Variants in PRKAG1 observed in about 807,000 individuals in gnomAD.
The protein encoded by PRKAG1 is protein kinase AMP-activated non-catalytic subunit gamma 1, also known as 5'-AMP-activated protein kinase subunit gamma-1.
In PRKAG1, 27 loss-of-function variants were observed where a neutral mutation model predicts 48.2. The ratio of observed to expected loss-of-function variants is 0.56; its 90% CI spans 0.41 to 0.77. PRKAG1 has a LOEUF of 0.77. PRKAG1 is among the 30% of genes least tolerant of loss of function. The probability of loss-of-function intolerance (pLI) is 0.00; values close to 1 mark genes in which losing one functional copy is unlikely to be tolerated. For synonymous variants in PRKAG1, 130 were observed against 147.7 expected (o/e 0.88, Z 0.87); for missense variants, 287 against 398.3 (o/e 0.72, Z 2.38).
chr12:49,003,481 C>A, intron 10 of PRKAG1, 77 bp downstream of exon 10: 1 of 1,565,868 alleles, frequency 6.4e-7, no homozygotes, highest in Middle Eastern at 1.7e-4. Context: ...AGAAGAGACT[C>A]CCTTCTCCCT....
intron 11 of PRKAG1, 68 bp downstream of exon 11, chr12:49,003,076 C>A (rs1592268922): frequency 7.4e-6 from 12 of 1,613,010 alleles, no homozygotes; most frequent in Non-Finnish European, 1.0e-5. Flanking sequence ...TCTGCCCCTA[C>A]TCTCCTTGCC....
chr12:49,018,539 A>C, intron 1 of PRKAG1, 193 bp downstream of exon 1: 1 of 1,440,706 alleles, frequency 6.9e-7, no homozygotes, highest in Non-Finnish European at 9.1e-7. Flanking sequence ...GGCGGCGGGG[A>C]CGCGGCCCAG....
In PRKAG1 at chr12:49,004,995, TA is replaced by T. The variant is rs1292420304; in HGVS notation, c.378del (p.Phe126LeufsTer20). ...TWREVYLQDS[F>X]KPLVCISPNA... Reference sequence around the variant, plus strand: ...TTAGGAGAAATGCAGACAAGCGGTTTAAAGGAGTCCTGGAGATACACCTCTG... The same window carrying T: ...TTAGGAGAAATGCAGACAAGCGGTTTAAGGAGTCCTGGAGATACACCTCTG... On this transcript the variant is annotated frameshift_variant, in exon 7 of 12. Coordinates refer to ENST00000548065, the MANE Select transcript of PRKAG1 (RefSeq NM_002733.5). LOFTEE classifies it high-confidence loss of function. 2 of 1,614,070 alleles carry T rather than the reference TA, an allele frequency of 1.2e-6. No individual in the cohort carries two copies. Among genetic ancestry groups the T allele is most frequent in the Non-Finnish European group, 8.5e-7 (1 of 1,179,994 alleles).
intron 1 of PRKAG1, chr12:49,017,410 T>C: frequency 2.8e-6 from 1 of 351,058 alleles, no homozygotes; most frequent in South Asian, 2.2e-5. Context: ...CAGGCTTTCA[T>C]CATGTTGCCC....
rs1306803541 is a variant in PRKAG1 at position 49,005,105 on chromosome 12, C to A, written c.355+15G>T. On this transcript the variant is annotated intron_variant, in intron 6 of 11. Coordinates refer to ENST00000548065, the MANE Select transcript of PRKAG1 (RefSeq NM_002733.5). This position sits in a 1 kb window ranked among gnomAD's most constrained non-coding sequence, Gnocchi z 4.1. The stretch of plus-strand genomic sequence containing the variant: ...CCATCCCTTTATCCTTTTATAACCC[C>A]AATTCTCTACATACCTCTCCAAGTT... 6.2e-7 allele frequency: 1 copy of A among 1,613,812 alleles called. No homozygotes were observed. The highest frequency in any genetic ancestry group is 8.5e-7 in the Non-Finnish European group (1 of 1,179,820).
At position 49,003,238 on chromosome 12, in the gene PRKAG1, G is replaced by C. The variant is rs1296562983; in HGVS notation, c.794C>G (p.Ala265Gly). 5 of 1,614,132 alleles carry C rather than the reference G, an allele frequency of 3.1e-6. No individual in the cohort carries two copies. In the South Asian group the frequency reaches 4.4e-5, roughly 14 times the overall value. The change falls in exon 11 of 12, where the codon GCC (alanine) becomes GGC (glycine). Residue 265 changes from alanine (A) to glycine (G), a missense_variant. By Grantham distance (60) the Ala-to-Gly change is moderately conservative. Around this residue, in one of 2 missense-constraint regions of PRKAG1, gnomAD observed 224 missense variants for 344.3 expected, o/e 0.65. Transcript: ENST00000548065. ...YNNLDVSVTK[A>G]LQHRSHYFEG... ...AAAGTAATGTGATCGATGTTGCAAGGCTTTAGTCACAGATACATCTAGGTT... is the reference window on the plus strand; with the variant it reads ...AAAGTAATGTGATCGATGTTGCAAGCCTTTAGTCACAGATACATCTAGGTT...
At chr12:49,004,041 G>C in intron 8 of PRKAG1, 119 bp from the exon 9 acceptor site, 1 of 1,376,506 alleles carries the variant, frequency 7.3e-7, no homozygotes, top group South Asian at 1.5e-5. Context: ...TATAATCCCA[G>C]CACTTTGGGA....
chr12:49,010,214 T>TTCTTTAGATGTTTGGTA (rs2137669885), intron 2 of PRKAG1, among the ~76,000 whole-genome samples: 1 of 152,336 alleles, frequency 6.6e-6, no homozygotes, highest in African/African-American at 2.4e-5. Context: ...TGGTAATCCC[T>TTCTTTAGATGTTTGGTA]AGTTTAAAGG....
In PRKAG1 at chr12:49,018,560, T is replaced by C. The variant is rs571873600; in HGVS notation, c.9+172A>G. The C allele has an allele frequency of 1.6e-5, 23 of 1,474,712 alleles. No homozygotes were observed. In the East Asian group the frequency reaches 5.8e-4, roughly 37 times the overall value. 91.4% of individuals were successfully genotyped at this position (1,474,712 alleles called of 1,614,324 possible). A position where few individuals can be genotyped will look rare whatever the true frequency, so the allele number is the denominator to read the frequency against. On this transcript the variant is annotated intron_variant, in intron 1 of 11. Transcript: ENST00000548065. ...GGGGACGCGGCCCAGTTCCAGGAGA[T>C]GCGCCCAACGAAGAAGCGGAGGAAC...
chr12:49,003,511 C>G (rs1310952737), intron 10 of PRKAG1, 47 bp downstream of exon 10: 2 of 1,578,530 alleles, frequency 1.3e-6, no homozygotes, highest in Non-Finnish European at 1.7e-6. Context: ...TAACAGTGCC[C>G]CCCCCCCACC....
In PRKAG1 at chr12:49,018,751, G is replaced by A. The variant is rs774831698; in HGVS notation, c.-11C>T. 5.0e-6 allele frequency: 8 copies of A among 1,612,634 alleles called. No homozygotes were observed. Among genetic ancestry groups the A allele is most frequent in the South Asian group, 2.2e-5 (2 of 91,030 alleles). ...CCTCACCGTCTCCATTGCAAGAGGC[G>A]CCCGGCTTGGTTTCCTCGCTTTAGG... On this transcript the variant is annotated 5_prime_UTR_variant, in exon 1 of 12. Coordinates refer to ENST00000548065, the MANE Select transcript of PRKAG1 (RefSeq NM_002733.5).
At chr12:49,018,663 G>A in intron 1 of PRKAG1, 69 bp downstream of exon 1, 2 of 1,607,444 alleles carry the variant, frequency 1.2e-6, no homozygotes, top group African/African-American at 1.3e-5. Context: ...CGGCCCTCCC[G>A]GTCTCCTAAG....
chr12:49,004,919 C>G (rs749336951), intron 7 of PRKAG1, 45 bp downstream of exon 7: 2 of 1,598,210 alleles, frequency 1.3e-6, no homozygotes, highest in Non-Finnish European at 1.7e-6. Flanking sequence ...AGGCTGATGA[C>G]AAAATCTCTT....
At chr12:49,018,347 T>C (rs987337408) in intron 1 of PRKAG1, 4 of 694,038 alleles carry the variant, frequency 5.8e-6, no homozygotes, top group Middle Eastern at 3.0e-4. Context: ...CAAGCGGAGA[T>C]CCCTCTGGAC....
rs199654384 is a variant in PRKAG1 at position 49,002,871 on chromosome 12, C to G, written c.*28G>C. On this transcript the variant is annotated 3_prime_UTR_variant, in exon 12 of 12. Coordinates refer to ENST00000548065, the MANE Select transcript of PRKAG1 (RefSeq NM_002733.5). The stretch of plus-strand genomic sequence containing the variant: ...GCAGGCAGTGAGTTGGGCATATCCC[C>G]TGGTGCTGCATGACCCCTTCCCCCA... 3.0e-5 allele frequency: 48 copies of G among 1,589,274 alleles called. No individual in the cohort carries two copies. The East Asian group carries it at 1.0e-3, about 33-fold the overall frequency.
chr12:49,004,060 G>C (rs1941415322), intron 8 of PRKAG1, 138 bp from the exon 9 acceptor site: 8 of 1,185,856 alleles, frequency 6.7e-6, no homozygotes, highest in Admixed American at 5.8e-5. Context: ...GAGGCTGAGG[G>C]GGACATATTG....
At chr12:49,007,266 G>A (rs1440397938) in intron 2 of PRKAG1, among the ~76,000 whole-genome samples, 2 of 146,348 alleles carry the variant, frequency 1.4e-5, no homozygotes, top group Non-Finnish European at 1.5e-5. Flanking sequence ...CAGCCTGGGC[G>A]ACAGAGTGAG....
At position 49,015,865 on chromosome 12, in the gene PRKAG1, C is replaced by T. The variant is rs1478894121; in HGVS notation, c.10-2755G>A. Among the ~76,000 whole-genome samples, 3 of 151,918 alleles carry T rather than the reference C, an allele frequency of 2.0e-5. 1 individual carries two copies. Among genetic ancestry groups the T allele is most frequent in the East Asian group, 1.9e-4 (1 of 5,182 alleles). ...TGCTGGGATTACAGGTATGCGCCAC[C>T]GAGCCTGGCCGTGACTTTTAACTTT... On this transcript the variant is annotated intron_variant, in intron 1 of 11. Coordinates refer to ENST00000548065, the MANE Select transcript of PRKAG1 (RefSeq NM_002733.5).
Position 49,005,566 on chromosome 12 carries a change from C to T in PRKAG1, c.169-23G>A, listed in dbSNP as rs1371385433. 1.2e-6 allele frequency: 2 copies of T among 1,613,892 alleles called. No individual in the cohort carries two copies. The highest frequency in any genetic ancestry group is 2.7e-5 in the African/African-American group (2 of 74,904). On this transcript the variant is annotated intron_variant, in intron 3 of 11. Coordinates refer to ENST00000548065, the MANE Select transcript of PRKAG1 (RefSeq NM_002733.5). The surrounding 1 kb of genome is among the most constrained non-coding windows in gnomAD (Gnocchi z 4.1). ...CACCTGTAGCCAAGACAGTAATAAT[C>T]ATAAAGGCAAATCCACAGGGGCAGG...
Sources: gnomAD v4.1 joint callset for allele counts (sites outside exome capture counted in the v4.1 genomes callset) on GRCh38, gnomAD v4.1.1 for gene constraint, gnomAD v4.1.1 regional missense constraint, Gnocchi (gnomAD v3.1) non-coding constraint, MANE v1.5 for transcripts, NCBI Gene and HGNC (gene_info 2026-07-23, HGNC 2026-07-21) for gene names.